EXT2: variants seen among roughly 807,000 people sequenced by gnomAD.
EXT2 encodes the protein exostosin glycosyltransferase 2, also known as exostosin-2.
EXT2 carries 53 observed loss-of-function variants against 81.6 expected under a neutral mutation model. That is an observed-to-expected ratio of 0.65 (90% CI 0.52 to 0.82). EXT2 has a LOEUF of 0.82. Among genes scored for constraint, EXT2 ranks in the 40% least tolerant of loss-of-function variants. The probability of loss-of-function intolerance (pLI) is 0.00; values close to 1 mark genes in which losing one functional copy is unlikely to be tolerated. For missense variants in EXT2, 774 were observed against 910.2 expected (o/e 0.85, Z 1.93); for synonymous variants, 320 against 340.0 (o/e 0.94, Z 0.65).
intron 8 of EXT2, among the ~76,000 whole-genome samples, chr11:44,187,342 T>A (rs1955329781): frequency 6.6e-6 from 1 of 151,952 alleles, no homozygotes; most frequent in Non-Finnish European, 1.5e-5. Flanking sequence ...TATATCCAGC[T>A]AATTTTTTTT....
intron 4 of EXT2, among the ~76,000 whole-genome samples, chr11:44,123,958 A>G (rs1473347099): frequency 2.0e-5 from 3 of 150,270 alleles, no homozygotes; most frequent in Non-Finnish European, 4.4e-5. Flanking sequence ...CTTGTCTTCC[A>G]GGAGGGAATT....
chr11:44,163,542 G>A (rs954623647), intron 7 of EXT2, among the ~76,000 whole-genome samples: 1 of 152,198 alleles, frequency 6.6e-6, no homozygotes, highest in Non-Finnish European at 1.5e-5. Flanking sequence ...AAATGAAAAG[G>A]AATAATTAGC....
chr11:44,154,683 A>C (rs1954835643), intron 7 of EXT2, among the ~76,000 whole-genome samples: 1 of 152,016 alleles, frequency 6.6e-6, no homozygotes, highest in African/African-American at 2.4e-5. Flanking sequence ...ATCATAGTTT[A>C]GTTCTATTTT....
chr11:44,141,656 G>A (rs972398342), intron 7 of EXT2, among the ~76,000 whole-genome samples: 1 of 152,174 alleles, frequency 6.6e-6, no homozygotes, highest in South Asian at 2.1e-4. Context: ...TGAAGGTGGC[G>A]GGTAAAATGG....
intron 10 of EXT2, among the ~76,000 whole-genome samples, chr11:44,226,493 C>A (rs1344753276): frequency 6.6e-6 from 1 of 152,170 alleles, no homozygotes; most frequent in African/African-American, 2.4e-5. Context: ...CAAAGCACAT[C>A]CTTGACAAAA....
At chr11:44,221,714 C>G (rs1002555216) in intron 10 of EXT2, among the ~76,000 whole-genome samples, 1 of 152,110 alleles carries the variant, frequency 6.6e-6, no homozygotes, top group Admixed American at 6.5e-5. Flanking sequence ...TCAGAGCAGC[C>G]CCAGGCCTGA....
intron 1 of EXT2, among the ~76,000 whole-genome samples, chr11:44,096,668 A>G (rs907434431): frequency 2.0e-5 from 3 of 152,242 alleles, no homozygotes; most frequent in African/African-American, 7.2e-5. Context: ...CTGGGCTTCA[A>G]CTTGAAGTCC....
At position 44,124,950 on chromosome 11, in the gene EXT2, A is replaced by AGC. The variant is rs886041199; in HGVS notation, c.906_907dup (p.His303ArgfsTer30). On this transcript the variant is annotated frameshift_variant, in exon 5 of 14. Transcript: ENST00000533608. LOFTEE classifies it high-confidence loss of function. ...CTTTCTGTCCGTAAGCGCTGCCACA[A>AGC]GCACCAGGTCTTCGATTACCCACAG... The AGC allele has an allele frequency of 1.2e-6, 2 of 1,613,624 alleles. No homozygotes were observed. The highest frequency in any genetic ancestry group is 3.3e-5 in the Admixed American group (2 of 60,034).
At chr11:44,172,321 G>C (rs1955087863) in intron 8 of EXT2, among the ~76,000 whole-genome samples, 1 of 152,128 alleles carries the variant, frequency 6.6e-6, no homozygotes, top group Non-Finnish European at 1.5e-5. Context: ...CTTCCTCCTT[G>C]TGTGAAGGAA....
chr11:44,097,777 T>A (rs199991232), intron 1 of EXT2, among the ~76,000 whole-genome samples: 2,110 of 66,422 alleles, frequency 0.032, 64 homozygotes, highest in East Asian at 0.089. Context: ...AATAAATAAA[T>A]AAATAAATAA....
intron 8 of EXT2, among the ~76,000 whole-genome samples, chr11:44,195,410 G>T (rs1278647047): frequency 6.7e-6 from 1 of 149,382 alleles, no homozygotes; most frequent in Non-Finnish European, 1.5e-5. Context: ...CTCCAGCCTG[G>T]GCAACGAGTG....
intron 7 of EXT2, among the ~76,000 whole-genome samples, chr11:44,162,988 C>T (rs974697176): frequency 6.6e-6 from 1 of 152,090 alleles, no homozygotes; most frequent in African/African-American, 2.4e-5. Flanking sequence ...GGTATATTAA[C>T]CTTTTTGCTT....
At chr11:44,118,841 G>A (rs76359177) in intron 4 of EXT2, among the ~76,000 whole-genome samples, 8,006 of 151,952 alleles carry the variant, frequency 0.053, 724 homozygotes, top group African/African-American at 0.18. Context: ...TATGTAGCAC[G>A]AGATAGAAAT....
At chr11:44,235,674 T>G (rs1955955456) in intron 12 of EXT2, among the ~76,000 whole-genome samples, 2 of 152,316 alleles carry the variant, frequency 1.3e-5, no homozygotes, top group South Asian at 4.1e-4. Flanking sequence ...CTTCCATCTC[T>G]TCACTGTTTA....
intron 9 of EXT2, among the ~76,000 whole-genome samples, chr11:44,199,619 C>G (rs1955498767): frequency 6.6e-6 from 1 of 152,216 alleles, no homozygotes; most frequent in Non-Finnish European, 1.5e-5. Flanking sequence ...AGAGGCTTCT[C>G]CTTATTACTC....
intron 8 of EXT2, among the ~76,000 whole-genome samples, chr11:44,188,098 G>A (rs1450274874): frequency 6.6e-6 from 1 of 152,178 alleles, no homozygotes; most frequent in Non-Finnish European, 1.5e-5. Context: ...CTAAAATATT[G>A]AATGAAGTAT....
intron 1 of EXT2, among the ~76,000 whole-genome samples, chr11:44,101,755 A>G (rs1358684481): frequency 6.6e-6 from 1 of 152,116 alleles, no homozygotes; most frequent in African/African-American, 2.4e-5. Flanking sequence ...AATGAGGATG[A>G]TAGGATTCTG....
At chr11:44,211,901 G>T (rs1472579783) in intron 10 of EXT2, among the ~76,000 whole-genome samples, 1 of 152,098 alleles carries the variant, frequency 6.6e-6, no homozygotes, top group Admixed American at 6.5e-5. Context: ...TTGTCAATAA[G>T]AATAACATTT....
At chr11:44,195,982 A>G (rs1590638294) in intron 8 of EXT2, among the ~76,000 whole-genome samples, 1 of 152,232 alleles carries the variant, frequency 6.6e-6, no homozygotes, top group South Asian at 2.1e-4. Context: ...GGTAGATTGT[A>G]TGGTATATGA....
Sources: allele counts gnomAD v4.1 joint callset (sites outside exome capture counted in the v4.1 genomes callset), GRCh38; gene constraint gnomAD v4.1.1; transcripts MANE v1.5; gene names NCBI Gene and HGNC (gene_info 2026-07-23, HGNC 2026-07-21).